Variants in CCDC12 observed in about 807,000 individuals in gnomAD.
CCDC12 encodes the protein coiled-coil domain containing 12, also known as coiled-coil domain-containing protein 12.
In CCDC12, 28 loss-of-function variants were observed where a neutral mutation model predicts 25.7. That is an observed-to-expected ratio of 1.09 (90% CI 0.81 to 1.50). The LOEUF (loss-of-function observed/expected upper bound fraction) is 1.50, where lower values mean the gene tolerates loss of function less well. Among genes scored for constraint, CCDC12 ranks in the 40% most tolerant of loss-of-function variants. The pLI is 0.00. For synonymous variants in CCDC12, 75 were observed against 87.7 expected (o/e 0.86, Z 0.81); for missense variants, 198 against 210.0 (o/e 0.94, Z 0.35).
intron 2 of CCDC12, among the ~76,000 whole-genome samples, chr3:46,935,392 T>A (rs2033402271): frequency 1.3e-5 from 2 of 151,844 alleles, no homozygotes; most frequent in African/African-American, 4.8e-5. Flanking sequence ...CAACAGTCCA[T>A]CCATCCCACA....
At chr3:46,943,531 G>A (rs1026988391) in intron 1 of CCDC12, among the ~76,000 whole-genome samples, 6 of 152,154 alleles carry the variant, frequency 3.9e-5, no homozygotes, top group Non-Finnish European at 8.8e-5. Flanking sequence ...CTGTTAACCC[G>A]AACCACCTGG....
chr3:46,976,587 A>T (rs149377956), intron 1 of CCDC12, 50 bp downstream of exon 1: 1 of 1,576,788 alleles, frequency 6.3e-7, no homozygotes, highest in Non-Finnish European at 8.6e-7. Flanking sequence ...CGCGACCCGG[A>T]CCCCGAACGC....
chr3:46,958,606 T>C (rs1037172113), intron 1 of CCDC12, among the ~76,000 whole-genome samples: 1 of 152,190 alleles, frequency 6.6e-6, no homozygotes, highest in Non-Finnish European at 1.5e-5. Flanking sequence ...TCCAGCACTT[T>C]ATAGAGCTCA....
At chr3:46,939,889 T>C (rs1291687875) in intron 2 of CCDC12, among the ~76,000 whole-genome samples, 1 of 152,146 alleles carries the variant, frequency 6.6e-6, no homozygotes, top group Non-Finnish European at 1.5e-5. Flanking sequence ...TAGGAAAGCC[T>C]GCTCTGGTGT....
intron 2 of CCDC12, among the ~76,000 whole-genome samples, chr3:46,930,621 C>A (rs572751449): frequency 6.6e-4 from 101 of 152,360 alleles, no homozygotes; most frequent in Non-Finnish European, 1.3e-3. Flanking sequence ...CACCTCAGTG[C>A]CTCCACTGGC....
chr3:46,980,180 T>C (rs1258955065), upstream of CCDC12, among the ~76,000 whole-genome samples: 1 of 152,060 alleles, frequency 6.6e-6, no homozygotes, highest in African/African-American at 2.4e-5. Flanking sequence ...GCAGCCTGAG[T>C]CTTTCTTGCT....
intron 1 of CCDC12, among the ~76,000 whole-genome samples, chr3:46,950,088 C>A (rs1322789923): frequency 6.6e-6 from 1 of 151,824 alleles, no homozygotes; most frequent in Non-Finnish European, 1.5e-5. Flanking sequence ...TGTCCCAAGT[C>A]CTGCTGTCCC....
intron 1 of CCDC12, among the ~76,000 whole-genome samples, chr3:46,964,582 A>C (rs1309176684): frequency 2.6e-5 from 4 of 152,164 alleles, no homozygotes; most frequent in Non-Finnish European, 5.9e-5. Context: ...TAGACATGGG[A>C]GACTTTTCAT....
chr3:46,975,841 A>ATTT (rs11356624), intron 1 of CCDC12, among the ~76,000 whole-genome samples: 5 of 70,370 alleles, frequency 7.1e-5, no homozygotes, highest in African/African-American at 2.4e-4. Flanking sequence ...TTTATTTTCG[A>ATTT]TTTTTTTTTT....
chr3:46,945,071 C>G (rs143868973), intron 1 of CCDC12, among the ~76,000 whole-genome samples: 43 of 152,372 alleles, frequency 2.8e-4, no homozygotes, highest in East Asian at 2.7e-3. Context: ...TCCTCTGGGC[C>G]TACCCAGTGC....
chr3:46,972,272 C>G (rs1170816795), intron 1 of CCDC12, among the ~76,000 whole-genome samples: 1 of 152,160 alleles, frequency 6.6e-6, no homozygotes, highest in Non-Finnish European at 1.5e-5. Context: ...TGTTTGAGAT[C>G]AGCTTGGGAA....
chr3:46,960,602 A>C (rs1366184757), intron 1 of CCDC12, among the ~76,000 whole-genome samples: 1 of 152,258 alleles, frequency 6.6e-6, no homozygotes, highest in Non-Finnish European at 1.5e-5. Context: ...GCCACAGGGC[A>C]CCGTTGCCGA....
At position 46,922,230 on chromosome 3, in the gene CCDC12, A is replaced by G; in HGVS notation, c.418+6T>C. On this transcript the variant is annotated splice_donor_region_variant and intron_variant, in intron 6 of 6. Transcript: ENST00000683445. ...AGGACCCCACCTTCCCAGGCACTGC[A>G]CTTACGGATCAGCTCGGCAATGGCC... The G allele has an allele frequency of 3.1e-6, 5 of 1,614,246 alleles. No individual in the cohort carries two copies. Among genetic ancestry groups the G allele is most frequent in the Non-Finnish European group, 4.2e-6 (5 of 1,180,036 alleles).
chr3:46,923,444 T>G (rs1206505830), intron 4 of CCDC12, 81 bp from the exon 5 acceptor site: 6 of 1,533,198 alleles, frequency 3.9e-6, no homozygotes, highest in Non-Finnish European at 5.3e-6. Flanking sequence ...AGGAGGGAAA[T>G]GGGAGAAAGA....
At chr3:46,962,384 A>G (rs2034488408) in intron 1 of CCDC12, among the ~76,000 whole-genome samples, 1 of 132,278 alleles carries the variant, frequency 7.6e-6, no homozygotes, top group Admixed American at 9.1e-5. Context: ...CAGTGAGCCA[A>G]GATTGTGCCA....
intron 1 of CCDC12, among the ~76,000 whole-genome samples, chr3:46,958,419 A>G (rs4682834): frequency 0.94 from 143,559 of 152,290 alleles, 68,279 homozygotes; most frequent in East Asian, 1. Context: ...TAGAAGATAT[A>G]CAAGCTCTGG....
chr3:46,951,652 C>T (rs2034117539), intron 1 of CCDC12, among the ~76,000 whole-genome samples: 2 of 148,190 alleles, frequency 1.3e-5, no homozygotes, highest in South Asian at 4.3e-4. Flanking sequence ...TGGTGGCGGG[C>T]ACCTGCAGTC....
At chr3:46,958,527 A>G (rs2034368363) in intron 1 of CCDC12, among the ~76,000 whole-genome samples, 1 of 152,154 alleles carries the variant, frequency 6.6e-6, no homozygotes, top group Non-Finnish European at 1.5e-5. Context: ...CTCCCAGTTC[A>G]TCTGCATCTC....
chr3:46,944,319 C>T (rs1000731412), intron 1 of CCDC12, among the ~76,000 whole-genome samples: 5 of 152,152 alleles, frequency 3.3e-5, no homozygotes, highest in Middle Eastern at 3.4e-3. Flanking sequence ...GGAAGAGTGG[C>T]GCTGAGTTTC....
Sources: gnomAD v4.1 joint callset for allele counts (sites outside exome capture counted in the v4.1 genomes callset) on GRCh38, gnomAD v4.1.1 for gene constraint, MANE v1.5 for transcripts, NCBI Gene and HGNC (gene_info 2026-07-23, HGNC 2026-07-21) for gene names.